The following GRIP1 variants were observed in gnomAD, a reference collection of about 807,000 sequenced individuals.
GRIP1 encodes glutamate receptor-interacting protein 1.
GRIP1 carries 45 observed loss-of-function variants against 129.9 expected under a neutral mutation model. That is an observed-to-expected ratio of 0.35 (90% CI 0.27 to 0.44). The LOEUF (loss-of-function observed/expected upper bound fraction) is 0.44, where lower values mean the gene tolerates loss of function less well. Ranked by LOEUF, GRIP1 falls within the 20% of genes least tolerant of loss-of-function variation. The probability of loss-of-function intolerance (pLI) is 1.00; values close to 1 mark genes in which losing one functional copy is unlikely to be tolerated. For synonymous variants in GRIP1, 530 were observed against 520.8 expected, an observed-to-expected ratio of 1.02 and a Z score of -0.24; for missense variants, 1,196 against 1,396.8, an observed-to-expected ratio of 0.86 and a Z score of 2.29.
chr12:66,798,783 A>G (rs570175856), intron 1 of GRIP1, among the ~76,000 whole-genome samples: 2 of 152,312 alleles, frequency 1.3e-5, no homozygotes, highest in African/African-American at 4.8e-5. Flanking sequence ...AATCACTTTA[A>G]TTAACATCAT....
chr12:66,551,489 T>A (rs2062128773), intron 2 of GRIP1, among the ~76,000 whole-genome samples: 1 of 152,164 alleles, frequency 6.6e-6, no homozygotes, highest in East Asian at 1.9e-4. Flanking sequence ...TACCAAGTAT[T>A]GCTTAGCAAA....
At chr12:67,007,412 CT>C (rs1417846429) in intron 1 of GRIP1, among the ~76,000 whole-genome samples, 1 of 152,064 alleles carries the variant, frequency 6.6e-6, no homozygotes, top group African/African-American at 2.4e-5. Flanking sequence ...CTCTTCAATA[CT>C]TTTTAATAAT....
intron 2 of GRIP1, among the ~76,000 whole-genome samples, chr12:66,565,708 C>A (rs575291525): frequency 9.9e-5 from 15 of 152,222 alleles, no homozygotes; most frequent in African/African-American, 2.6e-4. Context: ...CTATAAGTTA[C>A]CTTGGGCAGT....
At chr12:66,480,572 A>G (rs1368255838) in intron 7 of GRIP1, among the ~76,000 whole-genome samples, 1 of 152,208 alleles carries the variant, frequency 6.6e-6, no homozygotes, top group Non-Finnish European at 1.5e-5. Context: ...TTTAAATTTC[A>G]TATGGAAACA....
At chr12:66,723,292 CTTTCTTTCTTTCTTTTT>C (rs1565988028) in intron 1 of GRIP1, among the ~76,000 whole-genome samples, 492 of 28,274 alleles carry the variant, frequency 0.017, 20 homozygotes, top group Admixed American at 0.03. Flanking sequence ...TCCTTTCTTT[CTTTCTTTCTTTCTTTTT>C]TTTTTTTTTT....
chr12:67,013,463 T>C (rs2042738883), intron 1 of GRIP1, among the ~76,000 whole-genome samples: 2 of 152,168 alleles, frequency 1.3e-5, no homozygotes, highest in Non-Finnish European at 2.9e-5. Flanking sequence ...ACCTCATCTA[T>C]CTACTGCTCA....
chr12:66,633,806 C>T (rs146699671), intron 1 of GRIP1, among the ~76,000 whole-genome samples: 1 of 152,348 alleles, frequency 6.6e-6, no homozygotes, highest in East Asian at 1.9e-4. Context: ...TTTCTGGCTT[C>T]ACTCATCTCT....
At chr12:66,498,392 T>A (rs535547892) in intron 7 of GRIP1, among the ~76,000 whole-genome samples, 32 of 152,336 alleles carry the variant, frequency 2.1e-4, no homozygotes, top group Non-Finnish European at 4.3e-4. Context: ...AATTATCATA[T>A]AAACGTTGTG....
At chr12:66,821,480 T>A (rs2039317740) in intron 1 of GRIP1, among the ~76,000 whole-genome samples, 1 of 152,198 alleles carries the variant, frequency 6.6e-6, no homozygotes, top group South Asian at 2.1e-4. Context: ...CTTTGTGATG[T>A]AAGAAATAAA....
chr12:66,660,437 C>T (rs930378541), intron 1 of GRIP1, among the ~76,000 whole-genome samples: 2 of 152,098 alleles, frequency 1.3e-5, no homozygotes, highest in African/African-American at 2.4e-5. Context: ...GAATTATCCT[C>T]TAATTGATAT....
intron 1 of GRIP1, among the ~76,000 whole-genome samples, chr12:66,735,865 C>G (rs2036579093): frequency 1.3e-5 from 2 of 152,140 alleles, no homozygotes; most frequent in South Asian, 4.1e-4. Context: ...AGACAATATG[C>G]CTCAGCATTA....
chr12:66,446,664 T>C (rs1397110540), intron 11 of GRIP1, among the ~76,000 whole-genome samples: 1 of 152,224 alleles, frequency 6.6e-6, no homozygotes, highest in African/African-American at 2.4e-5. Flanking sequence ...AGGACTTGCC[T>C]CTTAGTCTGC....
At chr12:66,685,201 T>C (rs933871173) in intron 1 of GRIP1, among the ~76,000 whole-genome samples, 3 of 152,172 alleles carry the variant, frequency 2.0e-5, no homozygotes, top group Non-Finnish European at 4.4e-5. Context: ...GGGTTCTTCC[T>C]CCTAACTCAT....
At chr12:66,539,544 G>GTTTTTTTTTTTTTTTTTTTTTTTTTTTT (rs1250833017) in intron 3 of GRIP1, among the ~76,000 whole-genome samples, 1 of 67,666 alleles carries the variant, frequency 1.5e-5, no homozygotes, top group African/African-American at 6.1e-5. Context: ...ATCAAGAGAA[G>GTTTTTTTTTTTTTTTTTTTTTTTTTTTT]CTTTTTTTTT....
intron 9 of GRIP1, among the ~76,000 whole-genome samples, chr12:66,456,900 C>G (rs893090487): frequency 6.6e-6 from 1 of 152,106 alleles, no homozygotes; most frequent in East Asian, 1.9e-4. Flanking sequence ...ATAAACCACT[C>G]TAATCATCTA....
At chr12:66,947,135 G>A (rs1360182011) in intron 1 of GRIP1, among the ~76,000 whole-genome samples, 4 of 151,902 alleles carry the variant, frequency 2.6e-5, no homozygotes, top group South Asian at 2.1e-4. Flanking sequence ...ACTTTTAGAC[G>A]GAGGCAGACA....
intron 1 of GRIP1, among the ~76,000 whole-genome samples, chr12:66,600,549 C>T (rs1353809506): frequency 2.0e-5 from 3 of 152,212 alleles, no homozygotes; most frequent in Non-Finnish European, 4.4e-5. Context: ...TTCCCTCCTA[C>T]TTCTGCTTTT....
intron 7 of GRIP1, among the ~76,000 whole-genome samples, chr12:66,492,924 C>A (rs146531566): frequency 6.6e-6 from 1 of 152,058 alleles, no homozygotes; most frequent in Admixed American, 6.6e-5. Context: ...GCAGGAGAAT[C>A]GCTTGAACTC....
intron 1 of GRIP1, among the ~76,000 whole-genome samples, chr12:66,838,234 G>A (rs1016841661): frequency 4.0e-5 from 6 of 151,208 alleles, no homozygotes; most frequent in African/African-American, 1.5e-4. Flanking sequence ...TGGGGTAAAG[G>A]CAATGAGTTT....
Sources: gnomAD v4.1 joint callset for allele counts (sites outside exome capture counted in the v4.1 genomes callset) on GRCh38, gnomAD v4.1.1 for gene constraint, MANE v1.5 for transcripts, NCBI Gene and HGNC (gene_info 2026-07-23, HGNC 2026-07-21) for gene names.